The following SNX20 variants were observed in gnomAD, a reference collection of about 807,000 sequenced individuals.
The protein encoded by SNX20 is sorting nexin 20.
SNX20 carries 21 observed loss-of-function variants against 24.5 expected under a neutral mutation model. That is an observed-to-expected ratio of 0.86 (90% confidence interval 0.61 to 1.23). The LOEUF (loss-of-function observed/expected upper bound fraction) is 1.23, where lower values mean the gene tolerates loss of function less well. SNX20 is among the 50% of genes most tolerant of loss of function. The pLI, the probability that SNX20 is intolerant of heterozygous loss-of-function variation, is 0.00. For missense variants in SNX20, 433 were observed against 430.8 expected (o/e 1.00, Z -0.04); for synonymous variants, 206 against 192.8 (o/e 1.07, Z -0.57).
chr16:50,678,378 A>T (rs763959144), intron 1 of SNX20, among the ~76,000 whole-genome samples: 2 of 152,204 alleles, frequency 1.3e-5, no homozygotes, highest in Non-Finnish European at 2.9e-5. Flanking sequence ...ACAAAAGTCT[A>T]TCATTACCAC....
At chr16:50,671,534 T>G (rs544046975), downstream of SNX20, 1 of 152,214 alleles carries the variant, frequency 6.6e-6, no homozygotes, top group East Asian at 1.9e-4. Flanking sequence ...AAACTGTCCA[T>G]GTTGGGTATT....
downstream of SNX20, chr16:50,668,976 C>T: frequency 6.5e-7 from 1 of 1,545,616 alleles, no homozygotes; most frequent in Admixed American, 2.0e-5. Flanking sequence ...CCCCTAGGCC[C>T]AGCTGGATGA....
chr16:50,674,921 G>T (rs774597545), intron 3 of SNX20, among the ~76,000 whole-genome samples: 3 of 152,202 alleles, frequency 2.0e-5, no homozygotes, highest in Admixed American at 6.5e-5. Flanking sequence ...TGCATGGGTT[G>T]TAATTATAGC....
Position 50,671,905 on chromosome 16 carries a change from G to T in SNX20, c.*1501C>A, listed in dbSNP as rs1963058327. 6.6e-6 allele frequency: 1 copy of T among 152,238 alleles called. No homozygotes were observed. Among genetic ancestry groups the T allele is most frequent in the Non-Finnish European group, 1.5e-5 (1 of 68,052 alleles). The allele number at this position is 152,238 out of a possible 1,614,324, so 9.4% of individuals were successfully genotyped here. A position where few individuals can be genotyped will look rare whatever the true frequency, so the allele number is the denominator to read the frequency against. On this transcript the variant is annotated 3_prime_UTR_variant, in exon 4 of 4. Coordinates refer to ENST00000330943, the MANE Select transcript of SNX20 (RefSeq NM_182854.4). ...GTGCATAGCTGTCCACTTCTAGAGT[G>T]ATCACTTGCTGGGCCAAGTTCCTCT...
At chr16:50,675,085 G>A (rs1021477447) in intron 3 of SNX20, among the ~76,000 whole-genome samples, 4 of 152,198 alleles carry the variant, frequency 2.6e-5, no homozygotes, top group Non-Finnish European at 4.4e-5. Flanking sequence ...AGCTGTGCCC[G>A]GCATGCCATT....
At chr16:50,667,799 C>A, downstream of SNX20, 1 of 609,168 alleles carries the variant, frequency 1.6e-6, no homozygotes, top group Non-Finnish European at 2.9e-6. Context: ...ACAGTCTGCC[C>A]TGAACTGTGC....
downstream of SNX20, chr16:50,671,517 T>G (rs1359412592): frequency 6.6e-6 from 1 of 152,218 alleles, no homozygotes; most frequent in Admixed American, 6.5e-5. Context: ...TGCTGGAATA[T>G]CCCATTAAAC....
intron 1 of SNX20, among the ~76,000 whole-genome samples, chr16:50,679,524 A>G (rs1276002928): frequency 1.3e-5 from 2 of 152,218 alleles, no homozygotes; most frequent in Non-Finnish European, 2.9e-5. Context: ...GGCACGGAGC[A>G]GGGGCCTGGC....
downstream of SNX20, chr16:50,667,961 C>T (rs1242534510): frequency 2.8e-5 from 43 of 1,515,446 alleles, no homozygotes; most frequent in Middle Eastern, 1.8e-4. Flanking sequence ...GGACATACTG[C>T]GGCTTCAGGC....
intron 1 of SNX20, among the ~76,000 whole-genome samples, chr16:50,680,071 G>C (rs1963264158): frequency 6.6e-6 from 1 of 152,202 alleles, no homozygotes; most frequent in Admixed American, 6.5e-5. Flanking sequence ...AAATTCAGCA[G>C]CCACAGTCAG....
Position 50,673,340 on chromosome 16 carries a change from C to T in SNX20, c.*66G>A. On this transcript the variant is annotated 3_prime_UTR_variant, in exon 4 of 4. Transcript: ENST00000330943. The surrounding 1 kb of genome is among the most constrained non-coding windows in gnomAD (Gnocchi z 4.1). ...AAGGAAAAATAAAAAAAAAGAACCCCAAACAGCCCACTGTGAGCCATGGTG... is the reference window on the plus strand; with the variant it reads ...AAGGAAAAATAAAAAAAAAGAACCCTAAACAGCCCACTGTGAGCCATGGTG... 7.1e-7 allele frequency: 1 copy of T among 1,401,186 alleles called. No homozygotes were observed. Among genetic ancestry groups the T allele is most frequent in the South Asian group, 1.8e-5 (1 of 56,666 alleles). 86.8% of individuals were successfully genotyped at this position (1,401,186 alleles called of 1,614,324 possible). A position where few individuals can be genotyped will look rare whatever the true frequency, so the allele number is the denominator to read the frequency against.
At chr16:50,668,405 G>T, downstream of SNX20, 1 of 865,272 alleles carries the variant, frequency 1.2e-6, no homozygotes, top group Non-Finnish European at 1.5e-6. Context: ...GCCTGTCTCA[G>T]GTAAAAGCGG....
chr16:50,667,265 C>G (rs1363333677), downstream of SNX20: 1 of 152,750 alleles, frequency 6.5e-6, no homozygotes, highest in African/African-American at 2.4e-5. Flanking sequence ...GGACCTACCC[C>G]CTTTCTGGGT....
Position 50,673,456 on chromosome 16 carries a change from G to C in SNX20, c.901C>G (p.Pro301Ala). 1 of 1,599,202 alleles carries C rather than the reference G, an allele frequency of 6.3e-7. No homozygotes were observed. Among genetic ancestry groups the C allele is most frequent in the South Asian group, 1.1e-5 (1 of 89,116 alleles). Reference sequence around the variant, plus strand: ...AGCTCCTTCAGGGTGATGCCTCGGGGCGTGGGCCTCCGGAGCTGGCTCTCC... The same window carrying C: ...AGCTCCTTCAGGGTGATGCCTCGGGCCGTGGGCCTCCGGAGCTGGCTCTCC... The part of the protein sequence containing the change: ...LEESQLRRPT[P>A]RGITLKELTV... The change falls in exon 4 of 4, where the codon CCC (proline) becomes GCC (alanine). Residue 301 changes from proline to alanine, a missense_variant. Pro to Ala is a conservative substitution (Grantham distance 27, BLOSUM62 -1). Transcript: ENST00000330943. The surrounding 1 kb of genome is among the most constrained non-coding windows in gnomAD (Gnocchi z 4.1).
At chr16:50,674,504 T>C (rs989143045) in intron 3 of SNX20, among the ~76,000 whole-genome samples, 2 of 152,096 alleles carry the variant, frequency 1.3e-5, no homozygotes, top group Admixed American at 6.5e-5. Context: ...TACCTGGGCC[T>C]CCCAAAGTGC....
At position 50,673,779 on chromosome 16, in the gene SNX20, A is replaced by AT. The variant is rs1395199332; in HGVS notation, c.577_578insA (p.Phe193TyrfsTer171). 6.4e-7 allele frequency: 1 copy of AT among 1,550,456 alleles called. No individual in the cohort carries two copies. The highest frequency in any genetic ancestry group is 1.9e-5 in the Admixed American group (1 of 52,508). Reference sequence around the variant, plus strand: ...GTACTGGCCGGCCCGCAGGCAGCCGAAAGCCTCGCGCAGCTCCGGCCGCGT... The same window carrying AT: ...GTACTGGCCGGCCCGCAGGCAGCCGATAAGCCTCGCGCAGCTCCGGCCGCGT... On this transcript the variant is annotated frameshift_variant, in exon 4 of 4. Coordinates refer to ENST00000330943, the MANE Select transcript of SNX20 (RefSeq NM_182854.4). LOFTEE classifies it high-confidence loss of function. The surrounding 1 kb of genome is among the most constrained non-coding windows in gnomAD (Gnocchi z 4.1).
intron 3 of SNX20, 35 bp downstream of exon 3, chr16:50,675,735 G>T: frequency 6.2e-7 from 1 of 1,609,330 alleles, no homozygotes. Context: ...GAAGCAGAGT[G>T]AAAGAGGCTC....
At position 50,673,521 on chromosome 16, in the gene SNX20, G is replaced by A. The variant is rs375118669; in HGVS notation, c.836C>T (p.Ala279Val). Residue 279 changes from alanine to valine, a missense_variant, in exon 4 of 4, where the codon GCG becomes GTG. Ala to Val is a moderately conservative substitution (Grantham distance 64). Coordinates refer to ENST00000330943, the MANE Select transcript of SNX20 (RefSeq NM_182854.4). This position sits in a 1 kb window ranked among gnomAD's most constrained non-coding sequence, Gnocchi z 4.1. ...CAGAGTCACGAAGTCCTTGCCCAGC[G>A]CGTAGGCCAGGCGGACCATGGCGTC... is the stretch of plus-strand genomic sequence containing the variant. ...LLDAMVRLAY[A>V]LGKDFVTLQE... The A allele has an allele frequency of 3.1e-6, 5 of 1,610,126 alleles. No homozygotes were observed. Among genetic ancestry groups the A allele is most frequent in the African/African-American group, 2.7e-5 (2 of 74,608 alleles).
At chr16:50,668,214 A>G (rs1374472975), downstream of SNX20, 1 of 1,478,936 alleles carries the variant, frequency 6.8e-7, no homozygotes, top group Non-Finnish European at 9.0e-7. Context: ...CACGGGCAAC[A>G]CGGGATGATC....
Sources: allele counts gnomAD v4.1 joint callset (sites outside exome capture counted in the v4.1 genomes callset), GRCh38; gene constraint gnomAD v4.1.1; non-coding constraint Gnocchi (gnomAD v3.1); transcripts MANE v1.5; gene names NCBI Gene and HGNC (gene_info 2026-07-23, HGNC 2026-07-21).